The following DGKB variants were observed in gnomAD, a reference collection of about 807,000 sequenced individuals.
The protein encoded by DGKB is diacylglycerol kinase beta, also known as 90 kDa diacylglycerol kinase.
Under a neutral mutation model 114.3 loss-of-function variants are expected in DGKB, and 67 were observed. The observed-to-expected ratio is 0.59, with a 90% CI of 0.48 to 0.72. DGKB has a LOEUF of 0.72. Among genes scored for constraint, DGKB ranks in the 30% least tolerant of loss-of-function variants. The pLI, the probability that DGKB is intolerant of heterozygous loss-of-function variation, is 0.00. For missense variants in DGKB, 907 were observed against 975.2 expected, an observed-to-expected ratio of 0.93 and a Z score of 0.93; for synonymous variants, 398 against 323.1, an observed-to-expected ratio of 1.23 and a Z score of -2.49.
At chr7:14,739,769 T>C (rs1832282406) in intron 4 of DGKB, among the ~76,000 whole-genome samples, 1 of 152,202 alleles carries the variant, frequency 6.6e-6, no homozygotes, top group African/African-American at 2.4e-5. Context: ...GGTTTGGGAA[T>C]GTCGGCCTCA....
intron 16 of DGKB, among the ~76,000 whole-genome samples, chr7:14,607,915 A>G (rs1317917676): frequency 1.3e-5 from 2 of 151,978 alleles, no homozygotes. Flanking sequence ...TTTGTCCTCT[A>G]TAGATCTCTG....
At chr7:14,502,606 T>C (rs1271350941) in intron 20 of DGKB, among the ~76,000 whole-genome samples, 2 of 152,076 alleles carry the variant, frequency 1.3e-5, no homozygotes, top group Non-Finnish European at 2.9e-5. Flanking sequence ...AAATATTATG[T>C]TTACAAGTTG....
chr7:14,225,321 T>TTTTAATAGA (rs1790617044), intron 23 of DGKB, among the ~76,000 whole-genome samples: 8 of 151,846 alleles, frequency 5.3e-5, no homozygotes, highest in Admixed American at 5.3e-4. Flanking sequence ...GACTCAAGAG[T>TTTTAATAGA]TTTAATAGAT....
At chr7:14,288,689 T>A (rs897784158) in intron 23 of DGKB, among the ~76,000 whole-genome samples, 1 of 152,156 alleles carries the variant, frequency 6.6e-6, no homozygotes, top group South Asian at 2.1e-4. Context: ...GTAGCTCAAG[T>A]CAGCCTTTGA....
chr7:14,435,283 GAAGA>G, intron 21 of DGKB, among the ~76,000 whole-genome samples: 1 of 152,048 alleles, frequency 6.6e-6, no homozygotes, highest in Non-Finnish European at 1.5e-5. Context: ...CATCAAAATA[GAAGA>G]AAGGGAATCC....
chr7:14,295,606 T>A (rs1481184952), intron 23 of DGKB, among the ~76,000 whole-genome samples: 67 of 152,206 alleles, frequency 4.4e-4, no homozygotes, highest in African/African-American at 1.6e-3. Context: ...ATAGTTTATT[T>A]TCAATACAAC....
At chr7:14,463,471 C>A (rs940882603) in intron 21 of DGKB, among the ~76,000 whole-genome samples, 2 of 152,162 alleles carry the variant, frequency 1.3e-5, no homozygotes, top group Non-Finnish European at 2.9e-5. Flanking sequence ...ACTATCCCAT[C>A]ACTGCATAAG....
chr7:14,578,036 G>A (rs1799418965), intron 19 of DGKB, among the ~76,000 whole-genome samples: 1 of 152,154 alleles, frequency 6.6e-6, no homozygotes, highest in Admixed American at 6.5e-5. Flanking sequence ...GGAGGGACCT[G>A]GTGGGAGGTG....
intron 2 of DGKB, among the ~76,000 whole-genome samples, chr7:14,837,152 A>G (rs2128131913): frequency 6.6e-6 from 1 of 152,296 alleles, no homozygotes; most frequent in African/African-American, 2.4e-5. Flanking sequence ...AGTTACCCAA[A>G]GTCAGATATC....
chr7:14,369,829 C>T (rs1439240670), intron 21 of DGKB, among the ~76,000 whole-genome samples: 1 of 152,168 alleles, frequency 6.6e-6, no homozygotes, highest in Non-Finnish European at 1.5e-5. Context: ...AGCCATTTGT[C>T]AGATGGATAG....
chr7:14,843,810 T>G (rs1353625235), intron 1 of DGKB, among the ~76,000 whole-genome samples: 1 of 152,136 alleles, frequency 6.6e-6, no homozygotes, highest in Non-Finnish European at 1.5e-5. Context: ...GATCAAAACA[T>G]AAAAAGATGA....
intron 21 of DGKB, among the ~76,000 whole-genome samples, chr7:14,463,325 T>C (rs1454273354): frequency 6.6e-6 from 1 of 152,152 alleles, no homozygotes; most frequent in Non-Finnish European, 1.5e-5. Flanking sequence ...CAAACTACCG[T>C]GGCACATGTA....
At chr7:14,322,532 A>G (rs929535813) in intron 23 of DGKB, among the ~76,000 whole-genome samples, 7 of 152,216 alleles carry the variant, frequency 4.6e-5, no homozygotes, top group African/African-American at 1.7e-4. Flanking sequence ...CTTCTCAAAA[A>G]TAATATAGCA....
intron 1 of DGKB, among the ~76,000 whole-genome samples, chr7:14,911,640 A>T (rs955308840): frequency 1.3e-5 from 2 of 152,156 alleles, no homozygotes; most frequent in Non-Finnish European, 2.9e-5. Context: ...TAAAAAACAG[A>T]CTGGCTTTTT....
At chr7:14,522,050 GGTGTGGTA>G (rs961354282) in intron 20 of DGKB, among the ~76,000 whole-genome samples, 2 of 152,018 alleles carry the variant, frequency 1.3e-5, no homozygotes, top group African/African-American at 4.8e-5. Context: ...GCGTCCTAAG[GGTGTGGTA>G]GTGTGTTGCT....
chr7:14,623,827 T>C (rs1808082106), intron 14 of DGKB, among the ~76,000 whole-genome samples: 2 of 152,190 alleles, frequency 1.3e-5, no homozygotes, highest in Non-Finnish European at 2.9e-5. Context: ...ATAATGTATA[T>C]AGGAGTGAAT....
At chr7:14,748,202 G>C (rs149056552) in intron 4 of DGKB, among the ~76,000 whole-genome samples, 89 of 152,166 alleles carry the variant, frequency 5.8e-4, no homozygotes, top group African/African-American at 1.9e-3. Flanking sequence ...GATGTTACTA[G>C]AACACACAAA....
chr7:14,259,431 T>TTTTG (rs1796438653), intron 23 of DGKB, among the ~76,000 whole-genome samples: 1 of 150,746 alleles, frequency 6.6e-6, no homozygotes, highest in African/African-American at 2.4e-5. Context: ...ATATATATGG[T>TTTTG]TTTGTTTTGT....
At chr7:14,170,292 G>C (rs762037352) in intron 25 of DGKB, among the ~76,000 whole-genome samples, 6 of 152,124 alleles carry the variant, frequency 3.9e-5, no homozygotes, top group Non-Finnish European at 8.8e-5. Flanking sequence ...TCTGCCTTTT[G>C]CTGTGTGGCC....
Sources: allele counts gnomAD v4.1 joint callset (sites outside exome capture counted in the v4.1 genomes callset), GRCh38; gene constraint gnomAD v4.1.1; transcripts MANE v1.5; gene names NCBI Gene and HGNC (gene_info 2026-07-23, HGNC 2026-07-21).